Variants in TOM1L2 observed in about 807,000 individuals in gnomAD.
TOM1L2 encodes the protein target of myb1 like 2 membrane trafficking protein.
TOM1L2 carries 31 observed loss-of-function variants against 67.9 expected under a neutral mutation model. The ratio of observed to expected loss-of-function variants is 0.46; its 90% CI spans 0.34 to 0.62. TOM1L2 has a LOEUF of 0.62. Among genes scored for constraint, TOM1L2 ranks in the 20% least tolerant of loss-of-function variants. The pLI, the probability that TOM1L2 is intolerant of heterozygous loss-of-function variation, is 0.01. For missense variants in TOM1L2, 606 were observed against 663.5 expected (o/e 0.91, Z 0.95); for synonymous variants, 256 against 254.0 (o/e 1.01, Z -0.07).
chr17:17,882,191 T>C (rs938420728), intron 6 of TOM1L2, among the ~76,000 whole-genome samples: 3 of 152,146 alleles, frequency 2.0e-5, no homozygotes, highest in Non-Finnish European at 4.4e-5. Flanking sequence ...GATGGCTGAC[T>C]TTTTTTATGG....
rs111583947 is a variant in TOM1L2, at chr17:17,882,886, C to T, written c.502-23G>A. On this transcript the variant is annotated intron_variant, in intron 5 of 14. Transcript: ENST00000379504. ...ACTCTGGCATGGCAACAACAAAGTCCTCTGTTTACCTGGGCTGCCTGCATA... is the reference window on the plus strand; with the variant it reads ...ACTCTGGCATGGCAACAACAAAGTCTTCTGTTTACCTGGGCTGCCTGCATA... 4 of 1,612,916 alleles carry T rather than the reference C, an allele frequency of 2.5e-6. No homozygotes were observed. In the African/African-American group the frequency reaches 4.0e-5, roughly 16 times the overall value.
rs2040590692 is a variant in TOM1L2, at chr17:17,938,377, G to A, written c.53-30846C>T. On this transcript the variant is annotated intron_variant, in intron 1 of 14. Transcript: ENST00000379504. ...GCTCCTTCTACCTCTTAGACCCTTGGTGCCTTTGATTTCACTGCAGTGGCC... is the reference window on the plus strand; with the variant it reads ...GCTCCTTCTACCTCTTAGACCCTTGATGCCTTTGATTTCACTGCAGTGGCC... Among the ~76,000 whole-genome samples, 3 of 152,118 alleles carry A rather than the reference G, an allele frequency of 2.0e-5. No individual in the cohort carries two copies. The South Asian group carries it at 6.2e-4, about 31-fold the overall frequency.
intron 1 of TOM1L2, among the ~76,000 whole-genome samples, chr17:17,949,807 C>T (rs1309615975): frequency 1.3e-5 from 2 of 152,156 alleles, no homozygotes; most frequent in Admixed American, 6.5e-5. Flanking sequence ...TTAGGTGGGC[C>T]AGGGCAATGT....
chr17:17,928,835 C>T (rs573754378), intron 1 of TOM1L2, among the ~76,000 whole-genome samples: 6 of 152,240 alleles, frequency 3.9e-5, no homozygotes, highest in Non-Finnish European at 7.4e-5. Flanking sequence ...CCACAGTAGC[C>T]ATTCAGGAAA....
intron 1 of TOM1L2, among the ~76,000 whole-genome samples, chr17:17,963,959 A>G (rs2041790075): frequency 6.6e-6 from 1 of 152,234 alleles, no homozygotes; most frequent in Admixed American, 6.5e-5. Flanking sequence ...TGTTTTATAG[A>G]TAAGAGAAGA....
At chr17:17,923,768 G>A (rs567979192) in intron 1 of TOM1L2, among the ~76,000 whole-genome samples, 2 of 152,234 alleles carry the variant, frequency 1.3e-5, no homozygotes, top group South Asian at 2.1e-4. Flanking sequence ...GGAGGCAAGA[G>A]GATCACTTAA....
chr17:17,863,860 TTTG>T (rs952267996), intron 10 of TOM1L2, among the ~76,000 whole-genome samples: 13 of 151,634 alleles, frequency 8.6e-5, no homozygotes, highest in African/African-American at 2.7e-4. Flanking sequence ...ACACTACACT[TTTG>T]TTGTTGTTGT....
In TOM1L2 at chr17:17,895,480, T is replaced by C. The variant is rs556025088; in HGVS notation, c.217-1670A>G. The stretch of plus-strand genomic sequence containing the variant: ...GAATGCGACTATATGCCAGGCACTA[T>C]GAGAGATCCTTCCATAACATATGGA... On this transcript the variant is annotated intron_variant, in intron 3 of 14. Transcript: ENST00000379504. Among the ~76,000 whole-genome samples, 54 of 152,354 alleles carry C rather than the reference T, an allele frequency of 3.5e-4. No homozygotes were observed. The South Asian group carries it at 7.0e-3, about 20-fold the overall frequency.
intron 1 of TOM1L2, among the ~76,000 whole-genome samples, chr17:17,944,281 G>A (rs1315609395): frequency 1.3e-5 from 2 of 152,264 alleles, no homozygotes; most frequent in Non-Finnish European, 2.9e-5. Context: ...TGAGCAAAGG[G>A]ATGCTGAGCA....
chr17:17,971,317 G>A (rs1038767864), intron 1 of TOM1L2, among the ~76,000 whole-genome samples: 3 of 152,138 alleles, frequency 2.0e-5, no homozygotes, highest in African/African-American at 7.2e-5. Context: ...AAGGGCACAA[G>A]GTCATATGGA....
At chr17:17,889,506 T>C (rs2038166508) in intron 4 of TOM1L2, among the ~76,000 whole-genome samples, 1 of 152,056 alleles carries the variant, frequency 6.6e-6, no homozygotes, top group African/African-American at 2.4e-5. Context: ...GCTTCCACCA[T>C]CCTCAGGGCA....
chr17:17,848,908 G>A (rs770939105), intron 13 of TOM1L2, 49 bp from the exon 14 acceptor site: 1 of 1,606,416 alleles, frequency 6.2e-7, no homozygotes, highest in South Asian at 1.1e-5. Context: ...TCCAAGCACT[G>A]CCCGCCCAGC....
intron 1 of TOM1L2, among the ~76,000 whole-genome samples, chr17:17,938,817 C>G (rs2040614589): frequency 6.6e-6 from 1 of 151,600 alleles, no homozygotes; most frequent in Non-Finnish European, 1.5e-5. Context: ...AAGTGACCGC[C>G]CCACCTTGGC....
intron 1 of TOM1L2, among the ~76,000 whole-genome samples, chr17:17,918,826 G>A (rs2039737454): frequency 6.6e-6 from 1 of 151,986 alleles, no homozygotes; most frequent in Non-Finnish European, 1.5e-5. Flanking sequence ...GTATCTTCTT[G>A]GCCCCCAACC....
intron 1 of TOM1L2, among the ~76,000 whole-genome samples, chr17:17,937,065 C>T (rs1316515087): frequency 6.6e-6 from 1 of 152,162 alleles, no homozygotes; most frequent in African/African-American, 2.4e-5. Context: ...CATGTTGTGA[C>T]AAATGCCAGG....
intron 11 of TOM1L2, 87 bp downstream of exon 11, chr17:17,862,644 T>C: frequency 8.8e-7 from 1 of 1,135,290 alleles, no homozygotes; most frequent in Admixed American, 2.0e-5. Flanking sequence ...ACATGGTAAA[T>C]AAATGCCTTT....
intron 1 of TOM1L2, among the ~76,000 whole-genome samples, chr17:17,944,587 T>A (rs1474852489): frequency 3.9e-5 from 6 of 152,334 alleles, no homozygotes; most frequent in Admixed American, 3.9e-4. Context: ...GGAAAGAGAT[T>A]CCCATATTTG....
chr17:17,898,433 C>T (rs2038683914), intron 3 of TOM1L2, among the ~76,000 whole-genome samples, 163 bp downstream of exon 3: 1 of 152,202 alleles, frequency 6.6e-6, no homozygotes, highest in African/African-American at 2.4e-5. Flanking sequence ...GACAGGAAAA[C>T]CCAAAGGCAA....
intron 1 of TOM1L2, among the ~76,000 whole-genome samples, chr17:17,908,687 G>A (rs1268909732): frequency 1.3e-5 from 2 of 152,056 alleles, no homozygotes; most frequent in Non-Finnish European, 2.9e-5. Flanking sequence ...TGTGAAAAGA[G>A]GTTCAACATC....
Sources: allele counts gnomAD v4.1 joint callset (sites outside exome capture counted in the v4.1 genomes callset), GRCh38; gene constraint gnomAD v4.1.1; transcripts MANE v1.5; gene names NCBI Gene and HGNC (gene_info 2026-07-23, HGNC 2026-07-21).